ZMYND8: variants seen among roughly 807,000 people sequenced by gnomAD.
The protein encoded by ZMYND8 is MYND-type zinc finger-containing chromatin reader ZMYND8.
ZMYND8 carries 37 observed loss-of-function variants against 140.8 expected under a neutral mutation model. That is an observed-to-expected ratio of 0.26 (90% CI 0.20 to 0.35). The LOEUF is 0.35. Ranked by LOEUF, ZMYND8 falls within the 10% of genes least tolerant of loss-of-function variation. The pLI, the probability that ZMYND8 is intolerant of heterozygous loss-of-function variation, is 1.00. For synonymous variants in ZMYND8, 592 were observed against 597.1 expected (o/e 0.99, Z 0.12); for missense variants, 1,068 against 1,570.0 (o/e 0.68, Z 5.40).
At chr20:47,217,157 T>C (rs780674204) in intron 21 of ZMYND8, among the ~76,000 whole-genome samples, 1 of 151,700 alleles carries the variant, frequency 6.6e-6, no homozygotes, top group Non-Finnish European at 1.5e-5. Context: ...GAGGGAGGTA[T>C]AGAAACAAGA....
At chr20:47,337,440 G>A (rs1016358413) in intron 2 of ZMYND8, among the ~76,000 whole-genome samples, 1 of 152,208 alleles carries the variant, frequency 6.6e-6, no homozygotes, top group Admixed American at 6.5e-5. Flanking sequence ...GCCGAGGTAG[G>A]TGGATCCCTT....
chr20:47,337,947 TGAAAGGTCACATG>T (rs1234108439), intron 2 of ZMYND8, among the ~76,000 whole-genome samples: 2 of 152,002 alleles, frequency 1.3e-5, no homozygotes, highest in African/African-American at 4.8e-5. Context: ...TTAGAGAAAC[TGAAAGGTCACATG>T]GACTAGATGT....
rs748324630 is a variant in ZMYND8, at chr20:47,210,846, C to A, written c.3620G>T (p.Gly1207Val). 1.9e-6 allele frequency: 3 copies of A among 1,613,956 alleles called. No individual in the cohort carries two copies. The Admixed American group carries it at 5.0e-5, about 27-fold the overall frequency. Residue 1207 changes from glycine (G) to valine (V), a missense_variant, in exon 23 of 23, where the codon GGA (glycine) becomes GTA (valine). By Grantham distance (109) the Gly-to-Val change is moderately radical. Transcript: ENST00000471951. Reference protein sequence around the residue: ...SSWSSSDEKRGSTRSDHNTST... With the variant: ...SSWSSSDEKRVSTRSDHNTST... Reference sequence around the variant, plus strand: ...GGTGTTGTGATCGGAACGTGTCGATCCCCTCTTCTCATCACTGCTGCTCCA... The same window carrying A: ...GGTGTTGTGATCGGAACGTGTCGATACCCTCTTCTCATCACTGCTGCTCCA...
rs147611677 is a variant in ZMYND8, at chr20:47,221,602, G to C, written c.3257-128C>G. On this transcript the variant is annotated intron_variant, in intron 19 of 22. Transcript: ENST00000471951. ...GCCCTACCCAGGGCATAAAAGTGGAGGCTCAAGGGGGCCAGATTGCCAGAG... is the reference window on the plus strand; with the variant it reads ...GCCCTACCCAGGGCATAAAAGTGGACGCTCAAGGGGGCCAGATTGCCAGAG... 1.5e-4 allele frequency: 170 copies of C among 1,145,312 alleles called. No homozygotes were observed. In the African/African-American group the frequency reaches 2.3e-3, roughly 16 times the overall value. The allele number at this position is 1,145,312 out of a possible 1,614,324, so 70.9% of individuals were successfully genotyped here.
intron 14 of ZMYND8, among the ~76,000 whole-genome samples, chr20:47,241,912 G>A (rs966225814): frequency 7.9e-5 from 12 of 151,422 alleles, no homozygotes; most frequent in Non-Finnish European, 1.2e-4. Flanking sequence ...CCGCCTCCTG[G>A]GTTCACACCA....
At chr20:47,305,606 T>A (rs568769034) in intron 3 of ZMYND8, among the ~76,000 whole-genome samples, 1 of 150,860 alleles carries the variant, frequency 6.6e-6, no homozygotes, top group East Asian at 1.9e-4. Flanking sequence ...AGTGTCCCAG[T>A]TTTTAGGGCA....
At chr20:47,297,098 G>A (rs1049677523) in intron 4 of ZMYND8, among the ~76,000 whole-genome samples, 4 of 152,010 alleles carry the variant, frequency 2.6e-5, no homozygotes, top group Non-Finnish European at 4.4e-5. Context: ...GACAAATGTA[G>A]TAGAATGAGG....
In ZMYND8 at chr20:47,343,957, C is replaced by CTTT. The variant is rs750832298; in HGVS notation, c.85+3896_85+3898dup. ...ATGGTCAACATCAACAGTGATAAAT[C>CTTT]TTTTTTTTTTTTTTTTTTTTTCTTT... On this transcript the variant is annotated intron_variant, in intron 2 of 22. Coordinates refer to ENST00000471951, the MANE Select transcript of ZMYND8 (RefSeq NM_001281775.3). Among the ~76,000 whole-genome samples, 89 of 119,926 alleles carry CTTT rather than the reference C, an allele frequency of 7.4e-4. 1 individual carries two copies. The highest frequency in any genetic ancestry group is 1.9e-3 in the African/African-American group (58 of 30,152). The allele number at this position is 119,926 out of a possible 152,430, so 78.7% of individuals were successfully genotyped here. A position where few individuals can be genotyped will look rare whatever the true frequency, so the allele number is the denominator to read the frequency against.
intron 11 of ZMYND8, 22 bp downstream of exon 11, chr20:47,276,292 C>A (rs555220918): frequency 2.0e-6 from 3 of 1,504,672 alleles, no homozygotes; most frequent in Non-Finnish European, 1.8e-6. Flanking sequence ...GCCTCCTCCC[C>A]GCTCCCCCGC....
At chr20:47,296,552 G>GA (rs1204192272) in intron 4 of ZMYND8, among the ~76,000 whole-genome samples, 1 of 152,184 alleles carries the variant, frequency 6.6e-6, no homozygotes, top group Non-Finnish European at 1.5e-5. Flanking sequence ...GAGATGGAAA[G>GA]AGTCTGGCTC....
chr20:47,347,920 A>G lies in ZMYND8; in HGVS notation c.21T>C (p.Ala7=). 1.2e-6 allele frequency: 2 copies of G among 1,613,846 alleles called. No individual in the cohort carries two copies. The highest frequency in any genetic ancestry group is 1.7e-5 in the Admixed American group (1 of 60,028). The change falls in exon 2 of 23, where the codon GCT becomes GCC. Residue 7 remains alanine (A), a synonymous_variant. Transcript: ENST00000471951. MHPQSL[A]EEEIKTEQEV... ...CCTGTTCTGTTTTTATTTCCTCTTC[A>G]GCCAAGCTGAAACAGAGCAAATTAT...
intron 7 of ZMYND8, among the ~76,000 whole-genome samples, chr20:47,288,637 C>G (rs964600493): frequency 6.6e-6 from 1 of 152,088 alleles, no homozygotes; most frequent in Non-Finnish European, 1.5e-5. Context: ...AAGTGATCCG[C>G]CCGCCTCAGC....
rs764223572 is a variant in ZMYND8 at position 47,287,281 on chromosome 20, T to C, written c.752A>G (p.Asn251Ser). Residue 251 changes from asparagine to serine, a missense_variant, in exon 8 of 23, where the codon AAT becomes AGT. Coordinates refer to ENST00000471951, the MANE Select transcript of ZMYND8 (RefSeq NM_001281775.3). ...TTTCGCTATTTGCGTCAATTTGTGA[T>C]TTCCTAAGGGAATAAGAAAACAGGA... ...LHNCIIYNGG[N>S]HKLTQIAKVV... The C allele has an allele frequency of 1.2e-6, 2 of 1,613,272 alleles. No individual in the cohort carries two copies. Among genetic ancestry groups the C allele is most frequent in the African/African-American group, 2.7e-5 (2 of 74,904 alleles).
At chr20:47,265,646 T>C (rs2075466930) in intron 11 of ZMYND8, among the ~76,000 whole-genome samples, 1 of 152,222 alleles carries the variant, frequency 6.6e-6, no homozygotes, top group Non-Finnish European at 1.5e-5. Flanking sequence ...TTTTGCCATG[T>C]TGGCCAGGCT....
chr20:47,216,313 G>A (rs1261558891), intron 21 of ZMYND8, among the ~76,000 whole-genome samples: 1 of 151,968 alleles, frequency 6.6e-6, no homozygotes, highest in Non-Finnish European at 1.5e-5. Flanking sequence ...GGCCAACACA[G>A]TGAAACCTTG....
chr20:47,324,238 C>T (rs574193531), intron 2 of ZMYND8, among the ~76,000 whole-genome samples: 3 of 150,334 alleles, frequency 2.0e-5, no homozygotes, highest in East Asian at 2.0e-4. Context: ...AAACCTTTAC[C>T]GGTCGTGGTG....
At chr20:47,337,766 G>A (rs868649545) in intron 2 of ZMYND8, among the ~76,000 whole-genome samples, 4 of 151,860 alleles carry the variant, frequency 2.6e-5, no homozygotes, top group Non-Finnish European at 4.4e-5. Context: ...CATTACCCTC[G>A]GACACAAATG....
chr20:47,341,210 A>G (rs1196219738), intron 2 of ZMYND8, among the ~76,000 whole-genome samples: 3 of 152,224 alleles, frequency 2.0e-5, no homozygotes, highest in Non-Finnish European at 4.4e-5. Flanking sequence ...TTTACACAGT[A>G]TGTCTATATA....
intron 2 of ZMYND8, among the ~76,000 whole-genome samples, chr20:47,331,635 A>AT (rs1213560027): frequency 2.6e-5 from 4 of 152,196 alleles, no homozygotes; most frequent in African/African-American, 9.6e-5. Context: ...CAACTCCAGC[A>AT]TTTAATGGCC....
Sources: gnomAD v4.1 joint callset for allele counts (sites outside exome capture counted in the v4.1 genomes callset) on GRCh38, gnomAD v4.1.1 for gene constraint, MANE v1.5 for transcripts, NCBI Gene and HGNC (gene_info 2026-07-23, HGNC 2026-07-21) for gene names.